The following CTC1 variants were observed in gnomAD, a reference collection of about 807,000 sequenced individuals.
CTC1 encodes the protein CST complex subunit CTC1.
Under a neutral mutation model 136.3 loss-of-function variants are expected in CTC1, and 91 were observed. The observed-to-expected ratio is 0.67, with a 90% CI of 0.56 to 0.79. The LOEUF (loss-of-function observed/expected upper bound fraction) is 0.79, where lower values mean the gene tolerates loss of function less well. Ranked by LOEUF, CTC1 falls within the 30% of genes least tolerant of loss-of-function variation. The probability of loss-of-function intolerance (pLI) is 0.00; values close to 1 mark genes in which losing one functional copy is unlikely to be tolerated. For missense variants in CTC1, 1,432 were observed against 1,498.1 expected, an observed-to-expected ratio of 0.96 and a Z score of 0.73; for synonymous variants, 606 against 613.8, an observed-to-expected ratio of 0.99 and a Z score of 0.19.
rs751570124 is a variant in CTC1 at position 8,238,541 on chromosome 17, C to T, written c.286G>A (p.Ala96Thr). Residue 96 changes from alanine to threonine, a missense_variant, in exon 3 of 23, where the codon GCC becomes ACC. Physicochemically the swap from Ala to Thr is moderately conservative, Grantham distance 58. Transcript: ENST00000651323. Reference sequence around the variant, plus strand: ...TTCCCATTTGGTCCAGCCTCTTGGGCCCAGGCCTGGTATGCACTACTGCTC... The same window carrying T: ...TTCCCATTTGGTCCAGCCTCTTGGGTCCAGGCCTGGTATGCACTACTGCTC... ...SWSSSAYQAW[A>T]QEAGPNGNPL... The T allele has an allele frequency of 8.1e-6, 13 of 1,614,148 alleles. No individual in the cohort carries two copies. The highest frequency in any genetic ancestry group is 1.0e-5 in the Non-Finnish European group (12 of 1,180,014).
intron 15 of CTC1, 77 bp downstream of exon 15, chr17:8,231,199 A>T: frequency 8.7e-7 from 1 of 1,143,528 alleles, no homozygotes; most frequent in Non-Finnish European, 1.2e-6. Flanking sequence ...GCAGAAAATG[A>T]AGTCTTCACC....
At position 8,228,066 on chromosome 17, in the gene CTC1, G is replaced by A; in HGVS notation, c.*114C>T. On this transcript the variant is annotated 3_prime_UTR_variant, in exon 23 of 23. Coordinates refer to ENST00000651323, the MANE Select transcript of CTC1 (RefSeq NM_025099.6). ...GAAGGGAAATTATAGTGGAGTAGCA[G>A]TTTGTGAATCTGGAGTCCTTGGTTC... 1 of 1,079,332 alleles carries A rather than the reference G, an allele frequency of 9.3e-7. No individual in the cohort carries two copies. The highest frequency in any genetic ancestry group is 1.4e-6 in the Non-Finnish European group (1 of 735,168). 66.9% of individuals were successfully genotyped at this position (1,079,332 alleles called of 1,614,324 possible).
At chr17:8,233,260 A>G (rs1469061241) in intron 10 of CTC1, 1 of 508,374 alleles carries the variant, frequency 2.0e-6, no homozygotes, top group African/African-American at 1.9e-5. Flanking sequence ...GGTTACAGGT[A>G]AGAGGCCATG....
chr17:8,234,392 G>C (rs1987506620), intron 10 of CTC1, 63 bp downstream of exon 10: 2 of 1,434,606 alleles, frequency 1.4e-6, no homozygotes, highest in Non-Finnish European at 1.9e-6. Context: ...ACCGAGACTA[G>C]AGTCGTGGCA....
chr17:8,233,915 C>T (rs1339755777), intron 10 of CTC1, among the ~76,000 whole-genome samples: 1 of 152,100 alleles, frequency 6.6e-6, no homozygotes, highest in Non-Finnish European at 1.5e-5. Flanking sequence ...CTAGCCTGGG[C>T]TACAGAGCAA....
Position 8,234,795 on chromosome 17 carries a change from G to A in CTC1, c.1571C>T (p.Ala524Val), listed in dbSNP as rs753855941. Residue 524 changes from alanine (A) to valine (V), a missense_variant, in exon 9 of 23, where the codon GCA (alanine) becomes GTA (valine). Ala to Val is a moderately conservative substitution (Grantham distance 64). Coordinates refer to ENST00000651323, the MANE Select transcript of CTC1 (RefSeq NM_025099.6). ...LAPPGSPVRN[A>V]HNEILEEPHH... is the part of the protein sequence containing the mutation. ...TGGCTCTTCAAGGATCTCATTGTGT[G>A]CATTCCGAACAGGGCTGCCTGGCGG... 6.2e-7 allele frequency: 1 copy of A among 1,610,646 alleles called. No individual in the cohort carries two copies. Among genetic ancestry groups the A allele is most frequent in the Admixed American group, 1.7e-5 (1 of 59,488 alleles).
chr17:8,231,891 G>A lies in CTC1; in HGVS notation c.2385+12C>T, dbSNP rs754783086. On this transcript the variant is annotated intron_variant, in intron 13 of 22. Transcript: ENST00000651323. Reference sequence around the variant, plus strand: ...GCAGGTCAGGTCCTGGGTCCCTGGAGTCCCAGTTTACCTTCTGATCATTGT... The same window carrying A: ...GCAGGTCAGGTCCTGGGTCCCTGGAATCCCAGTTTACCTTCTGATCATTGT... 6.2e-6 allele frequency: 10 copies of A among 1,613,532 alleles called. No homozygotes were observed. The South Asian group carries it at 9.9e-5, about 16-fold the overall frequency.
chr17:8,245,378 T>G (rs1387987296), intron 1 of CTC1, among the ~76,000 whole-genome samples: 1 of 152,146 alleles, frequency 6.6e-6, no homozygotes, highest in Non-Finnish European at 1.5e-5. Context: ...TTCAGCCCAC[T>G]TCAGCCACAC....
chr17:8,230,708 ACAGT>A (rs1987146807), intron 15 of CTC1, 57 bp from the exon 16 acceptor site: 1 of 1,456,342 alleles, frequency 6.9e-7, no homozygotes. Context: ...CAGAGTGGAG[ACAGT>A]CAGATTCAAG....
intron 2 of CTC1, among the ~76,000 whole-genome samples, chr17:8,240,394 T>C (rs1465288053): frequency 6.6e-6 from 1 of 150,942 alleles, no homozygotes; most frequent in East Asian, 2.0e-4. Context: ...GACCCCGTGA[T>C]CCACCCGTCT....
At chr17:8,231,632 G>A (rs903133704) in intron 14 of CTC1, 94 bp downstream of exon 14, 3 of 1,297,250 alleles carry the variant, frequency 2.3e-6, no homozygotes, top group Admixed American at 3.5e-5. Context: ...TCTTCCAGGA[G>A]GCCTAGAGAA....
Position 8,230,381 on chromosome 17 carries a change from T to A in CTC1, c.2846A>T (p.Tyr949Phe). The stretch of plus-strand genomic sequence containing the variant: ...GGGAGGCAAGTGTGGGTCTTCTATA[T>A]ATACATCCAGGTGAGGGGGGAATTC... Reference protein sequence around the residue: ...ECEFPPHLDVYIEDPHLPPSL... With the variant: ...ECEFPPHLDVFIEDPHLPPSL... The change falls in exon 17 of 23, where the codon TAT (tyrosine) becomes TTT (phenylalanine). Residue 949 changes from tyrosine to phenylalanine, a missense_variant. Transcript: ENST00000651323. The A allele has an allele frequency of 1.2e-6, 2 of 1,614,094 alleles. No homozygotes were observed. Among genetic ancestry groups the A allele is most frequent in the Non-Finnish European group, 1.7e-6 (2 of 1,180,006 alleles).
chr17:8,235,219 G>A lies in CTC1; in HGVS notation c.1273C>T (p.Leu425Phe). 6.2e-7 allele frequency: 1 copy of A among 1,614,158 alleles called. No homozygotes were observed. The highest frequency in any genetic ancestry group is 2.2e-5 in the East Asian group (1 of 44,884). ...CTTTGAAGCAGAACGGCGCCACGGA[G>A]GCAGGGGGCGAGCACTGGCCTTCTT... ...GTRRPVLAPC[L>F]RGAVLLQSFS... The change falls in exon 8 of 23, where the codon CTC becomes TTC. Residue 425 changes from leucine to phenylalanine, a missense_variant. Leu to Phe is a conservative substitution (Grantham distance 22). Transcript: ENST00000651323.
At position 8,235,918 on chromosome 17, in the gene CTC1, A is replaced by T. The variant is rs1987674906; in HGVS notation, c.1119T>A (p.Tyr373Ter). 6.2e-7 allele frequency: 1 copy of T among 1,613,432 alleles called. No individual in the cohort carries two copies. The highest frequency in any genetic ancestry group is 1.7e-5 in the Admixed American group (1 of 59,968). ...TGVLNEPAGL[Y>*]ELDGQLGLCL... ...AGAGCCCCAGCTGCCCATCCAGCTC[A>T]TAGAGGCCAGCGGGCTCATTCAACA... is the stretch of plus-strand genomic sequence containing the variant. Residue 373 changes from tyrosine (Y) to a stop codon, truncating the protein, a stop_gained, in exon 7 of 23, where the codon TAT becomes TAA. Transcript: ENST00000651323. LOFTEE classifies it high-confidence loss of function.
At chr17:8,244,273 G>A (rs1988502471) in intron 1 of CTC1, among the ~76,000 whole-genome samples, 1 of 152,118 alleles carries the variant, frequency 6.6e-6, no homozygotes, top group South Asian at 2.1e-4. Flanking sequence ...TTTCAGCTAA[G>A]GTGTGGGCTT....
At chr17:8,231,247 T>C in intron 15 of CTC1, 29 bp downstream of exon 15, 4 of 1,480,594 alleles carry the variant, frequency 2.7e-6, no homozygotes, top group Non-Finnish European at 3.6e-6. Context: ...AGTGGCCAAA[T>C]TAACCAGAGG....
Position 8,232,111 on chromosome 17 carries a change from T to C in CTC1, c.2177A>G (p.His726Arg), listed in dbSNP as rs1555533182. Residue 726 changes from histidine to arginine, a missense_variant, in exon 13 of 23, where the codon CAC (histidine) becomes CGC (arginine). Coordinates refer to ENST00000651323, the MANE Select transcript of CTC1 (RefSeq NM_025099.6). ...CAAGAAGAGCCGGCTCTGTCCTAGG[T>C]GGGGTCCCTCTGGGCCGGTGGGATC... ...QTDPTGPEGP[H>R]LGQSRLFLLC... The C allele has an allele frequency of 6.5e-7, 1 of 1,538,340 alleles. No homozygotes were observed. The highest frequency in any genetic ancestry group is 2.3e-5 in the East Asian group (1 of 44,336).
At position 8,236,454 on chromosome 17, in the gene CTC1, A is replaced by T. The variant is rs59922886; in HGVS notation, c.793-112T>A. The T allele has an allele frequency of 0.3, 327,804 of 1,095,044 alleles. 50,014 individuals are homozygous for T. The highest frequency in any genetic ancestry group is 0.48 in the Admixed American group (19,190 of 40,384). The allele number at this position is 1,095,044 out of a possible 1,614,324, so 67.8% of individuals were successfully genotyped here. On this transcript the variant is annotated intron_variant, in intron 5 of 22. Coordinates refer to ENST00000651323, the MANE Select transcript of CTC1 (RefSeq NM_025099.6). ...CAGAGACCTGCCCTCTGTGAGTCTCAACTCACCTCTCCATCTTCCCTATGT... is the reference window on the plus strand; with the variant it reads ...CAGAGACCTGCCCTCTGTGAGTCTCTACTCACCTCTCCATCTTCCCTATGT...
At chr17:8,231,076 G>C in intron 15 of CTC1, 200 bp downstream of exon 15, 1 of 516,648 alleles carries the variant, frequency 1.9e-6, no homozygotes, top group South Asian at 3.3e-5. Flanking sequence ...GGGAAGTAGA[G>C]GTTTCAGTGA....
Sources: gnomAD v4.1 joint callset for allele counts (sites outside exome capture counted in the v4.1 genomes callset) on GRCh38, gnomAD v4.1.1 for gene constraint, MANE v1.5 for transcripts, NCBI Gene and HGNC (gene_info 2026-07-23, HGNC 2026-07-21) for gene names.